Variants in TMEM135 observed in about 807,000 individuals in gnomAD.
TMEM135 encodes the protein transmembrane protein 135, also known as peroxisomal membrane protein 52.
TMEM135 carries 30 observed loss-of-function variants against 60.3 expected under a neutral mutation model. The ratio of observed to expected loss-of-function variants is 0.50; its 90% CI spans 0.37 to 0.68. The LOEUF is 0.68. TMEM135 is among the 30% of genes least tolerant of loss of function. TMEM135 has a pLI of 0.00. For synonymous variants in TMEM135, 190 were observed against 186.7 expected (o/e 1.02, Z -0.14); for missense variants, 468 against 548.8 (o/e 0.85, Z 1.47).
chr11:87,055,652 A>G (rs919704447), intron 1 of TMEM135, among the ~76,000 whole-genome samples: 23 of 151,232 alleles, frequency 1.5e-4, no homozygotes, highest in African/African-American at 4.9e-4. Context: ...GTGCAATAGC[A>G]CGATCTCGGC....
intron 5 of TMEM135, among the ~76,000 whole-genome samples, chr11:87,235,560 A>G (rs1940977686): frequency 6.6e-6 from 1 of 151,996 alleles, no homozygotes; most frequent in African/African-American, 2.4e-5. Context: ...TGTTAGAAAT[A>G]GCAAAACATT....
Position 87,259,148 on chromosome 11 carries a change from G to A in TMEM135, c.509+22464G>A, listed in dbSNP as rs1005989991. ...TCAGGCCCCATAGTCTCTCCGACCAGGTCTCATCTAGCTTCTCCTCGTCGT... is the reference window on the plus strand; with the variant it reads ...TCAGGCCCCATAGTCTCTCCGACCAAGTCTCATCTAGCTTCTCCTCGTCGT... On this transcript the variant is annotated intron_variant, in intron 6 of 14. Coordinates refer to ENST00000305494, the MANE Select transcript of TMEM135 (RefSeq NM_022918.4). The A allele has an allele frequency of 4.5e-6, 3 of 671,748 alleles. No individual in the cohort carries two copies. The Admixed American group carries it at 6.1e-5, about 14-fold the overall frequency. 41.6% of individuals were successfully genotyped at this position (671,748 alleles called of 1,614,324 possible).
intron 1 of TMEM135, among the ~76,000 whole-genome samples, chr11:87,045,407 C>T (rs1029422850): frequency 3.3e-5 from 5 of 152,096 alleles, no homozygotes; most frequent in East Asian, 1.9e-4. Flanking sequence ...TCTAGCATGT[C>T]GCTTCCAGTT....
At chr11:87,320,152 A>C in intron 14 of TMEM135, among the ~76,000 whole-genome samples, 1 of 152,300 alleles carries the variant, frequency 6.6e-6, no homozygotes, top group East Asian at 1.9e-4. Flanking sequence ...ATATCCATGT[A>C]TACATAAATA....
intron 6 of TMEM135, among the ~76,000 whole-genome samples, chr11:87,278,843 G>A (rs1398448882): frequency 1.3e-5 from 2 of 151,916 alleles, no homozygotes; most frequent in Middle Eastern, 3.4e-3. Flanking sequence ...TTTTGTAGTC[G>A]GTTTCTATCT....
At chr11:87,078,861 A>G (rs1248408147) in intron 3 of TMEM135, among the ~76,000 whole-genome samples, 1 of 151,892 alleles carries the variant, frequency 6.6e-6, no homozygotes, top group East Asian at 1.9e-4. Context: ...ACCTAAGGTG[A>G]TCTGCCTGCT....
At chr11:87,139,857 T>C (rs1401404383) in intron 4 of TMEM135, among the ~76,000 whole-genome samples, 19 of 152,204 alleles carry the variant, frequency 1.2e-4, no homozygotes, top group Admixed American at 1.2e-3. Flanking sequence ...TGTGTATACA[T>C]ATGCACATAT....
chr11:87,319,504 A>G (rs1217257969), intron 14 of TMEM135, 127 bp downstream of exon 14: 7 of 700,760 alleles, frequency 1.0e-5, no homozygotes, highest in East Asian at 8.3e-5. Context: ...TAAGAATAAC[A>G]TGGGGCGTTT....
intron 7 of TMEM135, among the ~76,000 whole-genome samples, chr11:87,297,513 T>C (rs1346024603): frequency 6.6e-6 from 1 of 152,240 alleles, no homozygotes; most frequent in Non-Finnish European, 1.5e-5. Flanking sequence ...GTATTAAGTT[T>C]AAAGTTGATA....
chr11:87,167,802 A>G (rs781738770), intron 5 of TMEM135, among the ~76,000 whole-genome samples: 19 of 152,140 alleles, frequency 1.2e-4, no homozygotes, highest in Non-Finnish European at 2.6e-4. Flanking sequence ...ACGTTTTGGT[A>G]TCAGGATGAT....
chr11:87,066,676 TA>T (rs1856664881), intron 1 of TMEM135, among the ~76,000 whole-genome samples: 1 of 151,420 alleles, frequency 6.6e-6, no homozygotes, highest in South Asian at 2.1e-4. Flanking sequence ...ATATTTTTTA[TA>T]AAACAGTCCT....
At chr11:87,125,261 G>T (rs1207620719) in intron 4 of TMEM135, among the ~76,000 whole-genome samples, 1 of 152,176 alleles carries the variant, frequency 6.6e-6, no homozygotes, top group Non-Finnish European at 1.5e-5. Flanking sequence ...ACATAATAGA[G>T]GGAAAGTGGG....
At chr11:87,304,003 T>C (rs1942491889) in intron 8 of TMEM135, among the ~76,000 whole-genome samples, 1 of 152,176 alleles carries the variant, frequency 6.6e-6, no homozygotes, top group Non-Finnish European at 1.5e-5. Flanking sequence ...TTCCAGGTGC[T>C]GGGAAGCCAT....
chr11:87,157,395 A>G lies in TMEM135; in HGVS notation c.451A>G (p.Arg151Gly). ...AGCAAGAGGAACCATCACAACATTA[A>G]GAAATGGAGAAGTAAGATGAGAATT... is the stretch of plus-strand genomic sequence containing the variant. ...GVARGTITTL[R>G]NGEVLLFCIT... Residue 151 changes from arginine to glycine, a missense_variant, in exon 5 of 15, where the codon AGA becomes GGA. Arg to Gly is a moderately radical substitution (Grantham distance 125). Coordinates refer to ENST00000305494, the MANE Select transcript of TMEM135 (RefSeq NM_022918.4). 1 of 1,613,040 alleles carries G rather than the reference A, an allele frequency of 6.2e-7. No homozygotes were observed. Among genetic ancestry groups the G allele is most frequent in the Non-Finnish European group, 8.5e-7 (1 of 1,179,270 alleles).
intron 6 of TMEM135, among the ~76,000 whole-genome samples, chr11:87,281,593 C>G (rs542187972): frequency 2.6e-5 from 4 of 152,178 alleles, no homozygotes; most frequent in Non-Finnish European, 5.9e-5. Context: ...TACAGTTGAT[C>G]TTCAACAATT....
intron 5 of TMEM135, among the ~76,000 whole-genome samples, chr11:87,195,439 T>C (rs1407699686): frequency 6.7e-6 from 1 of 150,240 alleles, no homozygotes; most frequent in Non-Finnish European, 1.5e-5. Context: ...TTCTCTCTTG[T>C]TTTTGAGACG....
chr11:87,054,742 C>T (rs1018026596), intron 1 of TMEM135, among the ~76,000 whole-genome samples: 1 of 152,112 alleles, frequency 6.6e-6, no homozygotes, highest in East Asian at 1.9e-4. Flanking sequence ...TGAAGGAAGG[C>T]TTATTCTGAT....
At chr11:87,204,210 A>G (rs1168599754) in intron 5 of TMEM135, among the ~76,000 whole-genome samples, 1 of 152,022 alleles carries the variant, frequency 6.6e-6, no homozygotes, top group African/African-American at 2.4e-5. Flanking sequence ...CTATGAATCT[A>G]TCATGGATTT....
intron 7 of TMEM135, among the ~76,000 whole-genome samples, chr11:87,298,975 C>T (rs183146515): frequency 2.0e-5 from 3 of 150,746 alleles, no homozygotes; most frequent in Non-Finnish European, 3.0e-5. Flanking sequence ...GTAATCCCAG[C>T]GACTTGAGAG....
Sources: gnomAD v4.1 joint callset for allele counts (sites outside exome capture counted in the v4.1 genomes callset) on GRCh38, gnomAD v4.1.1 for gene constraint, MANE v1.5 for transcripts, NCBI Gene and HGNC (gene_info 2026-07-23, HGNC 2026-07-21) for gene names.